The following PDSS2 variants were observed in gnomAD, a reference collection of about 807,000 sequenced individuals.
PDSS2 encodes all trans-polyprenyl-diphosphate synthase PDSS2.
In PDSS2, 31 loss-of-function variants were observed where a neutral mutation model predicts 44.5. The observed-to-expected ratio is 0.70, with a 90% CI of 0.52 to 0.94. The LOEUF (loss-of-function observed/expected upper bound fraction) is 0.94. Among genes scored for constraint, PDSS2 ranks in the 40% least tolerant of loss-of-function variants. PDSS2 has a pLI of 0.00. For synonymous variants in PDSS2, 157 were observed against 180.3 expected (o/e 0.87, Z 1.03); for missense variants, 452 against 482.2 (o/e 0.94, Z 0.59).
At position 107,304,354 on chromosome 6, in the gene PDSS2, T is replaced by C. The variant is rs527973150; in HGVS notation, c.431+29844A>G. Among the ~76,000 whole-genome samples the C allele has an allele frequency of 2.6e-5, 4 of 152,388 alleles. No individual in the cohort carries two copies. In the South Asian group the frequency reaches 6.2e-4, roughly 24 times the overall value. ...AACTTCAGTTATTTACTTATCACTT[T>C]TTGTCATTTCTGCATATTCCGCATG... is the stretch of plus-strand genomic sequence containing the variant. On this transcript the variant is annotated intron_variant, in intron 2 of 7. Coordinates refer to ENST00000369037, the MANE Select transcript of PDSS2 (RefSeq NM_020381.4).
chr6:107,399,253 T>C (rs1780037119), intron 1 of PDSS2, among the ~76,000 whole-genome samples: 1 of 152,170 alleles, frequency 6.6e-6, no homozygotes, highest in Admixed American at 6.5e-5. Flanking sequence ...ACAAGGTACC[T>C]ACCCTTGGTC....
intron 1 of PDSS2, among the ~76,000 whole-genome samples, chr6:107,419,571 A>C (rs1159519293): frequency 6.6e-6 from 1 of 152,222 alleles, no homozygotes; most frequent in Non-Finnish European, 1.5e-5. Flanking sequence ...TTTTTACAGT[A>C]TGTTTTAGAA....
At chr6:107,409,456 TAC>T (rs1047224943) in intron 1 of PDSS2, among the ~76,000 whole-genome samples, 13 of 152,184 alleles carry the variant, frequency 8.5e-5, no homozygotes, top group African/African-American at 3.1e-4. Context: ...GCTGCTTTCT[TAC>T]AGTTTGACTT....
At chr6:107,361,881 C>T (rs538388844) in intron 1 of PDSS2, among the ~76,000 whole-genome samples, 2 of 152,332 alleles carry the variant, frequency 1.3e-5, no homozygotes, top group East Asian at 1.9e-4. Context: ...CTGCTCTCAC[C>T]TCCATCCCCT....
chr6:107,218,800 A>G (rs992335980), intron 4 of PDSS2, among the ~76,000 whole-genome samples: 3 of 152,166 alleles, frequency 2.0e-5, no homozygotes, highest in Non-Finnish European at 4.4e-5. Flanking sequence ...GCTCATGCCT[A>G]TAATCCCAGC....
intron 2 of PDSS2, among the ~76,000 whole-genome samples, chr6:107,317,451 G>A (rs915995099): frequency 2.0e-5 from 3 of 152,144 alleles, no homozygotes; most frequent in African/African-American, 4.8e-5. Context: ...AGACTTTAAT[G>A]TAGCTCCCAG....
At position 107,165,911 on chromosome 6, in the gene PDSS2, T is replaced by G. The variant is rs1771327748; in HGVS notation, c.1042-11134A>C. ...TTGTAAGTTGGATTCCTAGGTATTT[T>G]ATTCTCTTTGAAGCAATTGTGAATG... On this transcript the variant is annotated intron_variant, in intron 7 of 7. Transcript: ENST00000369037. 2.0e-5 allele frequency among the ~76,000 whole-genome samples: 3 copies of G among 151,872 alleles called. No individual in the cohort carries two copies. The South Asian group carries it at 6.2e-4, about 32-fold the overall frequency.
At position 107,280,643 on chromosome 6, in the gene PDSS2, C is replaced by G. The variant is rs72939828; in HGVS notation, c.432-6416G>C. 5.8e-3 allele frequency among the ~76,000 whole-genome samples: 887 copies of G among 152,192 alleles called. 3 individuals carry two copies. Among genetic ancestry groups the G allele is most frequent in the Non-Finnish European group, 9.7e-3 (657 of 68,004 alleles). ...GCCTATCCATTCATTCCTGTGTTTG[C>G]GCCACTGCACTCCAGCCTGGGCAAC... On this transcript the variant is annotated intron_variant, in intron 2 of 7. Coordinates refer to ENST00000369037, the MANE Select transcript of PDSS2 (RefSeq NM_020381.4).
intron 1 of PDSS2, among the ~76,000 whole-genome samples, chr6:107,362,419 G>A (rs912578024): frequency 1.3e-5 from 2 of 152,134 alleles, no homozygotes; most frequent in Admixed American, 6.5e-5. Context: ...CAGACACAAG[G>A]ACAACAACTA....
intron 2 of PDSS2, among the ~76,000 whole-genome samples, chr6:107,294,552 C>T (rs898795577): frequency 6.6e-6 from 1 of 151,978 alleles, no homozygotes; most frequent in Non-Finnish European, 1.5e-5. Flanking sequence ...CTAGGCTTCT[C>T]CTGCATGTTT....
chr6:107,379,121 T>G (rs1038550495), intron 1 of PDSS2, among the ~76,000 whole-genome samples: 3 of 152,250 alleles, frequency 2.0e-5, no homozygotes, highest in African/African-American at 7.2e-5. Context: ...CATTTGGAAT[T>G]CTTTGGCATG....
chr6:107,454,775 G>A (rs1003110861), intron 1 of PDSS2, among the ~76,000 whole-genome samples: 1 of 151,754 alleles, frequency 6.6e-6, no homozygotes, highest in African/African-American at 2.4e-5. Context: ...AACAGAGCAA[G>A]ACTCTGCCTC....
intron 1 of PDSS2, among the ~76,000 whole-genome samples, chr6:107,355,922 G>C (rs1248475934): frequency 6.6e-6 from 1 of 152,186 alleles, no homozygotes; most frequent in Non-Finnish European, 1.5e-5. Context: ...GAGAGACTGT[G>C]ACTTGTTTCT....
chr6:107,241,344 C>CTTTTTTTTTTTT, intron 4 of PDSS2, among the ~76,000 whole-genome samples: 1 of 77,980 alleles, frequency 1.3e-5, no homozygotes, highest in Non-Finnish European at 2.2e-5. Flanking sequence ...TCTTCTTCTT[C>CTTTTTTTTTTTT]TTTTTTTTTT....
chr6:107,401,084 C>G (rs777305247), intron 1 of PDSS2, among the ~76,000 whole-genome samples: 1 of 152,228 alleles, frequency 6.6e-6, no homozygotes, highest in African/African-American at 2.4e-5. Context: ...TCACAGCAGG[C>G]TCTCACCTGT....
intron 1 of PDSS2, among the ~76,000 whole-genome samples, chr6:107,418,111 C>T (rs78949934): frequency 0.018 from 2,795 of 152,248 alleles, 74 homozygotes; most frequent in East Asian, 0.12. Context: ...CCCTCAAAGA[C>T]ATCCCCATCC....
intron 1 of PDSS2, among the ~76,000 whole-genome samples, chr6:107,444,681 T>C (rs766411058): frequency 1.3e-5 from 2 of 152,166 alleles, no homozygotes; most frequent in Non-Finnish European, 2.9e-5. Flanking sequence ...TTCATAAACA[T>C]GGAAGAGACT....
At chr6:107,246,004 A>G (rs1287871799) in intron 3 of PDSS2, among the ~76,000 whole-genome samples, 1 of 152,178 alleles carries the variant, frequency 6.6e-6, no homozygotes. Flanking sequence ...GAGCAATTAC[A>G]ATGTTAATTT....
chr6:107,215,752 T>A (rs1180263137), intron 4 of PDSS2, among the ~76,000 whole-genome samples: 2 of 152,188 alleles, frequency 1.3e-5, no homozygotes, highest in African/African-American at 2.4e-5. Context: ...TAAATTGTAT[T>A]AACTATAGCT....
Sources: gnomAD v4.1 joint callset for allele counts (sites outside exome capture counted in the v4.1 genomes callset) on GRCh38, gnomAD v4.1.1 for gene constraint, MANE v1.5 for transcripts, NCBI Gene and HGNC (gene_info 2026-07-23, HGNC 2026-07-21) for gene names.